The following USH1C variants were observed in gnomAD, a reference collection of about 807,000 sequenced individuals.
USH1C encodes the protein USH1 protein network component harmonin.
In USH1C, 90 loss-of-function variants were observed where a neutral mutation model predicts 119.3. The ratio of observed to expected loss-of-function variants is 0.75; its 90% confidence interval spans 0.64 to 0.90. The LOEUF (loss-of-function observed/expected upper bound fraction) is 0.90, where lower values mean the gene tolerates loss of function less well. Among genes scored for constraint, USH1C ranks in the 40% least tolerant of loss-of-function variants. USH1C has a pLI of 0.00. For missense variants in USH1C, 1,165 were observed against 1,167.7 expected, an observed-to-expected ratio of 1.00 and a Z score of 0.03; for synonymous variants, 465 against 443.3, an observed-to-expected ratio of 1.05 and a Z score of -0.62.
At position 17,516,173 on chromosome 11, in the gene USH1C, G is replaced by A. The variant is rs150028032; in HGVS notation, c.1260+68C>T. ...ATTTAGTGTTGATAGGACAAGGAATGTTTGGGAAAAGCCAAAACCCACAGC... is the reference window on the plus strand; with the variant it reads ...ATTTAGTGTTGATAGGACAAGGAATATTTGGGAAAAGCCAAAACCCACAGC... On this transcript the variant is annotated intron_variant, in intron 15 of 26. Coordinates refer to ENST00000005226, the MANE Select transcript of USH1C (RefSeq NM_153676.4). 8,025 of 1,558,630 alleles carry A rather than the reference G, an allele frequency of 5.1e-3. 30 individuals are homozygous for A. The highest frequency in any genetic ancestry group is 7.6e-3 in the Admixed American group (447 of 58,698).
chr11:17,495,660 G>T lies in USH1C; in HGVS notation c.2564C>A (p.Ser855Tyr). 6.2e-7 allele frequency: 1 copy of T among 1,614,210 alleles called. No individual in the cohort carries two copies. Among genetic ancestry groups the T allele is most frequent in the Non-Finnish European group, 8.5e-7 (1 of 1,180,040 alleles). ...YDDELASLPSSVAESPQPVRK... is the reference protein window; with the variant it reads ...YDDELASLPSYVAESPQPVRK... ...GACCGGTTGGGGGCTTTCAGCTACG[G>T]AGGAGGGAAGAGAAGCTCTATATAT... Residue 855 changes from serine to tyrosine, a missense_variant, in exon 26 of 27, where the codon TCC becomes TAC. Ser to Tyr is a moderately radical substitution (Grantham distance 144). Transcript: ENST00000005226.
At chr11:17,502,002 T>C (rs954156639) in intron 20 of USH1C, 22 bp from the exon 21 acceptor site, 1 of 1,612,994 alleles carries the variant, frequency 6.2e-7, no homozygotes, top group Non-Finnish European at 8.5e-7. Context: ...GGGAGGGCTT[T>C]AGGGCAACAC....
rs541282375 is a variant in USH1C, at chr11:17,494,041, C to A, written c.*291G>T. The A allele has an allele frequency of 6.0e-6, 3 of 496,120 alleles. No homozygotes were observed. Among genetic ancestry groups the A allele is most frequent in the South Asian group, 4.2e-5 (2 of 47,518 alleles). 30.7% of individuals were successfully genotyped at this position (496,120 alleles called of 1,614,324 possible). A position where few individuals can be genotyped will look rare whatever the true frequency, so the allele number is the denominator to read the frequency against. ...TCTTATTAGGGTTCAAGGAAGGAGT[C>A]CCCCAGAGCTGGGAGAGACCAAATT... On this transcript the variant is annotated 3_prime_UTR_variant, in exon 27 of 27. Coordinates refer to ENST00000005226, the MANE Select transcript of USH1C (RefSeq NM_153676.4).
chr11:17,544,120 C>T, intron 1 of USH1C, 152 bp downstream of exon 1: 1 of 950,730 alleles, frequency 1.1e-6, no homozygotes, highest in Non-Finnish European at 1.6e-6. Flanking sequence ...GGGATCCCTG[C>T]TGCCAGCCAG....
chr11:17,519,104 G>A (rs542169533), intron 14 of USH1C, among the ~76,000 whole-genome samples: 29 of 151,110 alleles, frequency 1.9e-4, no homozygotes, highest in African/African-American at 6.6e-4. Context: ...TGGGTGCTGA[G>A]TTGAAGGGTG....
chr11:17,501,580 A>T, intron 21 of USH1C, 45 bp from the exon 22 acceptor site: 2 of 1,591,256 alleles, frequency 1.3e-6, no homozygotes, highest in Non-Finnish European at 1.7e-6. Context: ...GGCCTGAAGG[A>T]TGGCGCTTGG....
chr11:17,512,498 G>C (rs756014102), intron 15 of USH1C, among the ~76,000 whole-genome samples: 1 of 152,240 alleles, frequency 6.6e-6, no homozygotes, highest in African/African-American at 2.4e-5. Flanking sequence ...GCATTGTGCT[G>C]ATTTTCCAGT....
At position 17,526,393 on chromosome 11, in the gene USH1C, TCTC is replaced by T; in HGVS notation, c.625_627del (p.Glu209del). 1 of 1,614,090 alleles carries T rather than the reference TCTC, an allele frequency of 6.2e-7. No homozygotes were observed. Among genetic ancestry groups the T allele is most frequent in the South Asian group, 1.1e-5 (1 of 91,074 alleles). On this transcript the variant is annotated inframe_deletion, in exon 8 of 27. Coordinates refer to ENST00000005226, the MANE Select transcript of USH1C (RefSeq NM_153676.4). ...CCTACCAGGCTGATGAAGACCTTCT[TCTC>T]CTTGTTTTCCCGATTTCCAGGGGAG...
intron 4 of USH1C, among the ~76,000 whole-genome samples, chr11:17,530,933 C>T (rs1036724966): frequency 1.3e-5 from 2 of 152,222 alleles, no homozygotes; most frequent in African/African-American, 4.8e-5. Context: ...TGGAAGCAGG[C>T]AGCAGCCAGG....
Position 17,516,148 on chromosome 11 carries a change from A to G in USH1C, c.1260+93T>C, listed in dbSNP as rs1474341689. 15 of 1,391,730 alleles carry G rather than the reference A, an allele frequency of 1.1e-5. No individual in the cohort carries two copies. In the Admixed American group the frequency reaches 2.7e-4, roughly 25 times the overall value. 86.2% of individuals were successfully genotyped at this position (1,391,730 alleles called of 1,614,324 possible). ...CCAAGTGAACAGGCCAAGTCACACC[A>G]TTTAGTGTTGATAGGACAAGGAATG... On this transcript the variant is annotated intron_variant, in intron 15 of 26. Coordinates refer to ENST00000005226, the MANE Select transcript of USH1C (RefSeq NM_153676.4).
Position 17,521,337 on chromosome 11 carries a change from G to C in USH1C, c.1085+9C>G. ...CATGCACAGACACGCGTGGAGCCGA[G>C]GTACTCACTGTTCCATCTCCTTCCG... On this transcript the variant is annotated intron_variant, in intron 13 of 26. Coordinates refer to ENST00000005226, the MANE Select transcript of USH1C (RefSeq NM_153676.4). 2 of 1,614,034 alleles carry C rather than the reference G, an allele frequency of 1.2e-6. No homozygotes were observed. Among genetic ancestry groups the C allele is most frequent in the Non-Finnish European group, 8.5e-7 (1 of 1,179,922 alleles).
chr11:17,518,417 A>C (rs1272930235), intron 14 of USH1C, among the ~76,000 whole-genome samples: 2 of 152,214 alleles, frequency 1.3e-5, no homozygotes, highest in Non-Finnish European at 2.9e-5. Context: ...AAACATCTCC[A>C]TCTTTCAAGA....
Position 17,522,816 on chromosome 11 carries a change from CTTG to C in USH1C, c.984_986del (p.Asn328del). On this transcript the variant is annotated inframe_deletion, in exon 12 of 27. Coordinates refer to ENST00000005226, the MANE Select transcript of USH1C (RefSeq NM_153676.4). ...CCATCTCCTGCTGCTCCTGGAGGAT[CTTG>C]TTGGACTCCATCGCCAGCCGCTTCT... 1.2e-6 allele frequency: 2 copies of C among 1,613,992 alleles called. No homozygotes were observed. Among genetic ancestry groups the C allele is most frequent in the African/African-American group, 1.3e-5 (1 of 75,042 alleles).
chr11:17,508,399 C>T (rs745543137), intron 18 of USH1C, among the ~76,000 whole-genome samples: 32 of 152,186 alleles, frequency 2.1e-4, no homozygotes, highest in Admixed American at 1.3e-3. Context: ...CTGCTCTCCA[C>T]GCAGGAACTC....
chr11:17,494,442 A>G, intron 26 of USH1C, 66 bp from the exon 27 acceptor site: 1 of 1,538,058 alleles, frequency 6.5e-7, no homozygotes, highest in Non-Finnish European at 8.8e-7. Flanking sequence ...GCCCAGCCAG[A>G]GCAAGGCCCC....
At chr11:17,533,672 C>T (rs190936992) in intron 1 of USH1C, 23 of 500,482 alleles carry the variant, frequency 4.6e-5, no homozygotes, top group Middle Eastern at 3.0e-4. Flanking sequence ...CTGCTGCTCA[C>T]CCCCATGGCT....
Position 17,495,641 on chromosome 11 carries a change from T to G in USH1C, c.2583A>C (p.Gln861His). The change falls in exon 26 of 27, where the codon CAA (glutamine) becomes CAC (histidine). Residue 861 changes from glutamine (Q) to histidine (H), a missense_variant. By Grantham distance (24) the Gln-to-His change is conservative. Coordinates refer to ENST00000005226, the MANE Select transcript of USH1C (RefSeq NM_153676.4). Reference protein sequence around the residue: ...SLPSSVAESPQPVRKLLEDRA... With the variant: ...SLPSSVAESPHPVRKLLEDRA... ...GGTCTTCAAGGAGCTTTCGGACCGG[T>G]TGGGGGCTTTCAGCTACGGAGGAGG... The G allele has an allele frequency of 1.2e-6, 2 of 1,614,070 alleles. No individual in the cohort carries two copies. The highest frequency in any genetic ancestry group is 1.7e-6 in the Non-Finnish European group (2 of 1,180,010).
intron 16 of USH1C, among the ~76,000 whole-genome samples, 186 bp from the exon 17 acceptor site, chr11:17,510,707 G>A (rs894668663): frequency 6.6e-5 from 10 of 152,194 alleles, no homozygotes; most frequent in African/African-American, 2.4e-5. Flanking sequence ...GGAGAAGAGA[G>A]TGGCGGGGTG....
At chr11:17,527,069 C>A (rs1357221345) in intron 5 of USH1C, 29 bp from the exon 6 acceptor site, 1 of 1,547,240 alleles carries the variant, frequency 6.5e-7, no homozygotes, top group African/African-American at 1.4e-5. Flanking sequence ...GGGGTTAGGA[C>A]AGCTCCCCCG....
Sources: gnomAD v4.1 joint callset for allele counts (sites outside exome capture counted in the v4.1 genomes callset) on GRCh38, gnomAD v4.1.1 for gene constraint, MANE v1.5 for transcripts, NCBI Gene and HGNC (gene_info 2026-07-23, HGNC 2026-07-21) for gene names.